Variants in SNX20 observed in about 807,000 individuals in gnomAD.
SNX20 encodes the protein sorting nexin 20, also known as sorting nexin-20.
In SNX20, 21 loss-of-function variants were observed where a neutral mutation model predicts 24.5. The observed-to-expected ratio is 0.86, with a 90% CI of 0.61 to 1.23. The LOEUF (loss-of-function observed/expected upper bound fraction) is 1.23, where lower values mean the gene tolerates loss of function less well. Ranked by LOEUF, SNX20 falls within the 50% of genes most tolerant of loss-of-function variation. The pLI is 0.00. For missense variants in SNX20, 433 were observed against 430.8 expected (o/e 1.00, Z -0.04); for synonymous variants, 206 against 192.8 (o/e 1.07, Z -0.57).
chr16:50,669,000 C>T (rs1296121084), downstream of SNX20: 1 of 1,550,994 alleles, frequency 6.4e-7, no homozygotes, highest in Non-Finnish European at 8.7e-7. Context: ...CTAAGAGCTT[C>T]CTGGAATTTG....
rs774896005 is a variant in SNX20, at chr16:50,673,628, G to A, written c.729C>T (p.Pro243=). 6 of 1,556,184 alleles carry A rather than the reference G, an allele frequency of 3.9e-6. No homozygotes were observed. The African/African-American group carries it at 8.4e-5, about 22-fold the overall frequency. The change falls in exon 4 of 4, where the codon CCC becomes CCT. Residue 243 remains proline (P), a synonymous_variant. Transcript: ENST00000330943. This position sits in a 1 kb window ranked among gnomAD's most constrained non-coding sequence, Gnocchi z 4.1. Reference sequence around the variant, plus strand: ...TCTCTCCGGCCGCGAAGGCCTCGGCGGGGCGGTCGAGGTCGCGGTGGCACA... The same window carrying A: ...TCTCTCCGGCCGCGAAGGCCTCGGCAGGGCGGTCGAGGTCGCGGTGGCACA... ...VLLCHRDLDR[P]AEAFAAGERA...
At chr16:50,676,286 T>C (rs937393936) in intron 2 of SNX20, among the ~76,000 whole-genome samples, 11 of 152,030 alleles carry the variant, frequency 7.2e-5, no homozygotes, top group African/African-American at 1.2e-4. Flanking sequence ...CTGTGCTCCC[T>C]GCAGCCCTGA....
chr16:50,673,403 G>T lies in SNX20; in HGVS notation c.*3C>A. 6.7e-7 allele frequency: 1 copy of T among 1,501,614 alleles called. No homozygotes were observed. The highest frequency in any genetic ancestry group is 8.9e-7 in the Non-Finnish European group (1 of 1,120,020). The allele number at this position is 1,501,614 out of a possible 1,614,324, so 93.0% of individuals were successfully genotyped here. ...CAGCGTCCCTGCGGGGTCCCAGGCC[G>T]GCTCAGTGCAGGTATTCTCGCACAG... is the stretch of plus-strand genomic sequence containing the variant. On this transcript the variant is annotated 3_prime_UTR_variant, in exon 4 of 4. Coordinates refer to ENST00000330943, the MANE Select transcript of SNX20 (RefSeq NM_182854.4). The surrounding 1 kb of genome is among the most constrained non-coding windows in gnomAD (Gnocchi z 4.1).
In SNX20 at chr16:50,673,537, C is replaced by T. The variant is rs1963103267; in HGVS notation, c.820G>A (p.Val274Ile). ...TTGCCCAGCGCGTAGGCCAGGCGGACCATGGCGTCCAGCAGAGGCGCATAG... is the reference window on the plus strand; with the variant it reads ...TTGCCCAGCGCGTAGGCCAGGCGGATCATGGCGTCCAGCAGAGGCGCATAG... ...RYYAPLLDAM[V>I]RLAYALGKDF... The change falls in exon 4 of 4, where the codon GTC becomes ATC. Residue 274 changes from valine to isoleucine, a missense_variant. Transcript: ENST00000330943. This position sits in a 1 kb window ranked among gnomAD's most constrained non-coding sequence, Gnocchi z 4.1. 2 of 1,609,314 alleles carry T rather than the reference C, an allele frequency of 1.2e-6. No individual in the cohort carries two copies. Among genetic ancestry groups the T allele is most frequent in the African/African-American group, 1.3e-5 (1 of 74,518 alleles).
At chr16:50,680,112 T>C (rs975976916) in intron 1 of SNX20, among the ~76,000 whole-genome samples, 2 of 152,224 alleles carry the variant, frequency 1.3e-5, no homozygotes, top group Admixed American at 6.5e-5. Context: ...ACAGGTTTCA[T>C]TGGGAGTCAC....
intron 3 of SNX20, among the ~76,000 whole-genome samples, chr16:50,674,535 A>G (rs1386628817): frequency 6.6e-6 from 1 of 152,168 alleles, no homozygotes; most frequent in East Asian, 1.9e-4. Flanking sequence ...GGCATGAGCC[A>G]CTGCACCTGG....
downstream of SNX20, chr16:50,669,633 C>T (rs909578951): frequency 6.5e-6 from 1 of 153,212 alleles, no homozygotes; most frequent in Admixed American, 6.5e-5. Context: ...CATATCCCTT[C>T]CCCTCTCCTC....
Position 50,677,466 on chromosome 16 carries a change from C to A in SNX20, c.61G>T (p.Ala21Ser). Residue 21 changes from alanine to serine, a missense_variant, in exon 2 of 4, where the codon GCA becomes TCA. Coordinates refer to ENST00000330943, the MANE Select transcript of SNX20 (RefSeq NM_182854.4). ...GCTGGTGCTTCCTGCTGGGTCCTTG[C>A]CGTGCACTGGGTTATGGGTCCCATG... ...GCMGPITQCT[A>S]RTQQEAPATG... 6.2e-7 allele frequency: 1 copy of A among 1,609,994 alleles called. No individual in the cohort carries two copies. The highest frequency in any genetic ancestry group is 1.1e-5 in the South Asian group (1 of 90,400).
chr16:50,677,047 G>A (rs921130043), intron 2 of SNX20, among the ~76,000 whole-genome samples: 3 of 152,166 alleles, frequency 2.0e-5, no homozygotes, highest in Non-Finnish European at 4.4e-5. Flanking sequence ...GTAGATAACA[G>A]CCCGGCTTCC....
rs147935656 is a variant in SNX20, at chr16:50,675,835, G to A, written c.217C>T (p.His73Tyr). 257 of 1,613,526 alleles carry A rather than the reference G, an allele frequency of 1.6e-4. 1 individual carries two copies. The African/African-American group carries it at 3.1e-3, about 20-fold the overall frequency. The stretch of plus-strand genomic sequence containing the variant: ...GCGATCTCAAAGAGCAGTTTGACGT[G>A]CTTCCAGCGGCATTTCTGGTTCTGC... ...YWQNQKCRWK[H>Y]VKLLFEIASA... Residue 73 changes from histidine to tyrosine, a missense_variant, in exon 3 of 4, where the codon CAC (histidine) becomes TAC (tyrosine). Coordinates refer to ENST00000330943, the MANE Select transcript of SNX20 (RefSeq NM_182854.4).
intron 1 of SNX20, among the ~76,000 whole-genome samples, chr16:50,678,059 AT>A (rs1000656894): frequency 6.6e-6 from 1 of 151,826 alleles, no homozygotes; most frequent in African/African-American, 2.4e-5. Context: ...ATAAAAAAAA[AT>A]TATCCAGGAT....
downstream of SNX20, chr16:50,667,664 G>T (rs75865218): frequency 4.8e-3 from 1,563 of 325,582 alleles, 19 homozygotes; most frequent in African/African-American, 0.03. Flanking sequence ...ACACGCTGGG[G>T]ACATGTTGGG....
rs1398754793 is a variant in SNX20 at position 50,672,695 on chromosome 16, T to C, written c.*711A>G. Reference sequence around the variant, plus strand: ...GGTGGAAGGAACAGAGAGAAAAGCCTTGGAGCAGCTGGAGAGAACTGTCTT... The same window carrying C: ...GGTGGAAGGAACAGAGAGAAAAGCCCTGGAGCAGCTGGAGAGAACTGTCTT... On this transcript the variant is annotated 3_prime_UTR_variant, in exon 4 of 4. Coordinates refer to ENST00000330943, the MANE Select transcript of SNX20 (RefSeq NM_182854.4). 4 of 152,232 alleles carry C rather than the reference T, an allele frequency of 2.6e-5. No individual in the cohort carries two copies. Among genetic ancestry groups the C allele is most frequent in the African/African-American group, 9.7e-5 (4 of 41,446 alleles). The allele number at this position is 152,232 out of a possible 1,614,324, so 9.4% of individuals were successfully genotyped here.
intron 1 of SNX20, among the ~76,000 whole-genome samples, chr16:50,678,355 T>G (rs902518962): frequency 1.3e-5 from 2 of 152,234 alleles, no homozygotes; most frequent in African/African-American, 4.8e-5. Flanking sequence ...GCCCCTAATC[T>G]AGTTTAATGC....
At chr16:50,679,782 C>T (rs1963258421) in intron 1 of SNX20, among the ~76,000 whole-genome samples, 1 of 152,144 alleles carries the variant, frequency 6.6e-6, no homozygotes, top group African/African-American at 2.4e-5. Context: ...CTAAGTGAGA[C>T]AGTGGATGGT....
downstream of SNX20, chr16:50,671,506 G>T (rs1369866937): frequency 6.6e-6 from 1 of 152,092 alleles, no homozygotes; most frequent in African/African-American, 2.4e-5. Context: ...TCCAGCTTTT[G>T]TGCTGGAATA....
At position 50,673,369 on chromosome 16, in the gene SNX20, C is replaced by T. The variant is rs753369618; in HGVS notation, c.*37G>A. ...CAGCCCACTGTGAGCCATGGTGACC[C>T]CAAATCTCCAGCGTCCCTGCGGGGT... is the stretch of plus-strand genomic sequence containing the variant. On this transcript the variant is annotated 3_prime_UTR_variant, in exon 4 of 4. Coordinates refer to ENST00000330943, the MANE Select transcript of SNX20 (RefSeq NM_182854.4). This position sits in a 1 kb window ranked among gnomAD's most constrained non-coding sequence, Gnocchi z 4.1. 1 of 1,438,162 alleles carries T rather than the reference C, an allele frequency of 7.0e-7. No homozygotes were observed. Among genetic ancestry groups the T allele is most frequent in the African/African-American group, 1.5e-5 (1 of 67,358 alleles). The allele number at this position is 1,438,162 out of a possible 1,614,324, so 89.1% of individuals were successfully genotyped here.
At chr16:50,674,120 T>C in intron 3 of SNX20, 46 bp from the exon 4 acceptor site, 2 of 1,539,444 alleles carry the variant, frequency 1.3e-6, no homozygotes, top group Non-Finnish European at 1.7e-6. Flanking sequence ...CGGCGGGGGC[T>C]GCGGCGGACG....
chr16:50,677,557 A>G (rs957718781), intron 1 of SNX20, 22 bp from the exon 2 acceptor site: 35 of 1,520,104 alleles, frequency 2.3e-5, no homozygotes, highest in Non-Finnish European at 3.1e-5. Flanking sequence ...AAAAGAGAAC[A>G]GTGAGGACCC....
Sources: allele counts gnomAD v4.1 joint callset (sites outside exome capture counted in the v4.1 genomes callset), GRCh38; gene constraint gnomAD v4.1.1; non-coding constraint Gnocchi (gnomAD v3.1); transcripts MANE v1.5; gene names NCBI Gene and HGNC (gene_info 2026-07-23, HGNC 2026-07-21).